Variants in LAMA5 observed in about 807,000 individuals in gnomAD.
The protein encoded by LAMA5 is laminin subunit alpha 5.
A neutral mutation model predicts 433.4 loss-of-function variants in LAMA5; 260 were observed. The ratio of observed to expected loss-of-function variants is 0.60; its 90% CI spans 0.54 to 0.66. The LOEUF is 0.66. LAMA5 is among the 30% of genes least tolerant of loss of function. The pLI is 0.00. For missense variants in LAMA5, 5,378 were observed against 5,258.5 expected, an observed-to-expected ratio of 1.02 and a Z score of -0.70; for synonymous variants, 2,620 against 2,226.6, an observed-to-expected ratio of 1.18 and a Z score of -4.97.
chr20:62,352,200 C>G, intron 4 of LAMA5, 42 bp downstream of exon 4: 4 of 1,567,696 alleles, frequency 2.6e-6, no homozygotes, highest in Non-Finnish European at 3.5e-6. Context: ...CCCACCTCTC[C>G]GTTCTCCAGC....
rs781064138 is a variant in LAMA5, at chr20:62,323,597, C to T, written c.5923G>A (p.Gly1975Ser). The T allele has an allele frequency of 1.9e-5, 31 of 1,610,750 alleles. No individual in the cohort carries two copies. The East Asian group carries it at 3.6e-4, about 19-fold the overall frequency. Residue 1975 changes from glycine (G) to serine (S), a missense_variant, in exon 45 of 80, where the codon GGT becomes AGT. Transcript: ENST00000252999. Reference protein sequence around the residue: ...SCQPCDCSGNGDPNLLFSDCD... With the variant: ...SCQPCDCSGNSDPNLLFSDCD... ...TCGCTGAAGAGCAAGTTGGGGTCAC[C>T]GTTGCCGCTGCAGTCGCATGGCTGG...
chr20:62,315,817 G>A (rs1601291949), intron 58 of LAMA5, 131 bp downstream of exon 58: 2 of 691,448 alleles, frequency 2.9e-6, no homozygotes, highest in Admixed American at 2.5e-5. Flanking sequence ...TTCTGTGTCT[G>A]GCCCCAGCTG....
Position 62,324,486 on chromosome 20 carries a change from G to A in LAMA5, c.5598C>T (p.Cys1866=). The stretch of plus-strand genomic sequence containing the variant: ...GGAGGCAGCGGTCTGAGTGTCCATG[G>A]CACTGACAAGGGACACATCGGCCCA... ...LFLGRCVPCQ[C]HGHSDRCLPG... The change falls in exon 42 of 80, where the codon TGC becomes TGT. Residue 1866 remains cysteine (C), a synonymous_variant. Coordinates refer to ENST00000252999, the MANE Select transcript of LAMA5 (RefSeq NM_005560.6). This position sits in a 1 kb window ranked among gnomAD's most constrained non-coding sequence, Gnocchi z 4.4. 6.2e-7 allele frequency: 1 copy of A among 1,612,372 alleles called. No individual in the cohort carries two copies.
chr20:62,345,830 C>T lies in LAMA5; in HGVS notation c.1465G>A (p.Gly489Ser), dbSNP rs536055027. ...NDTREQVLPA[G>S]QIVNCDCSAA... is the part of the protein sequence containing the mutation. ...CAAGGACACTTACTCACAATCTGGC[C>T]GGCTGGCAGCACCTGCTCCCTGGTG... The change falls in exon 11 of 80, where the codon GGC becomes AGC. Residue 489 changes from glycine to serine, a missense_variant. Physicochemically the swap from Gly to Ser is moderately conservative, Grantham distance 56. Coordinates refer to ENST00000252999, the MANE Select transcript of LAMA5 (RefSeq NM_005560.6). The T allele has an allele frequency of 4.4e-5, 68 of 1,551,544 alleles. No homozygotes were observed. The highest frequency in any genetic ancestry group is 9.6e-5 in the African/African-American group (7 of 73,224).
At position 62,333,497 on chromosome 20, in the gene LAMA5, G is replaced by GGTGCTGAGA; in HGVS notation, c.3022-25_3022-17dup. On this transcript the variant is annotated splice_polypyrimidine_tract_variant and intron_variant, in intron 24 of 79. Transcript: ENST00000252999. ...CCACGTAGTCCTGCAGGGTGGAGGT[G>GGTGCTGAGA]GTGCTGAGAGTGGTGGGCCCCACCC... 6.2e-7 allele frequency: 1 copy of GGTGCTGAGA among 1,606,236 alleles called. No individual in the cohort carries two copies. The highest frequency in any genetic ancestry group is 8.5e-7 in the Non-Finnish European group (1 of 1,177,040).
At chr20:62,343,942 C>T (rs1477305555) in intron 11 of LAMA5, among the ~76,000 whole-genome samples, 4 of 151,430 alleles carry the variant, frequency 2.6e-5, no homozygotes, top group East Asian at 2.0e-4. Context: ...GTTGGGAGTT[C>T]GAGACCAGCC....
At chr20:62,358,587 T>G (rs1229182987) in intron 2 of LAMA5, among the ~76,000 whole-genome samples, 2 of 152,140 alleles carry the variant, frequency 1.3e-5, no homozygotes, top group African/African-American at 2.4e-5. Flanking sequence ...TCCTGAAGGG[T>G]GAGGCAGCCT....
At chr20:62,310,378 G>T (rs1986104165) in intron 76 of LAMA5, 41 bp downstream of exon 76, 1 of 1,572,250 alleles carries the variant, frequency 6.4e-7, no homozygotes, top group Non-Finnish European at 8.6e-7. Context: ...GGAGCCCCCT[G>T]CCCTGCCCTG....
rs749361224 is a variant in LAMA5, at chr20:62,324,527, C to T, written c.5557G>A (p.Val1853Ile). The change falls in exon 42 of 80, where the codon GTC (valine) becomes ATC (isoleucine). Residue 1853 changes from valine (V) to isoleucine (I), a missense_variant. Transcript: ENST00000252999. This position sits in a 1 kb window ranked among gnomAD's most constrained non-coding sequence, Gnocchi z 4.4. The part of the protein sequence containing the change: ...QECAPGFYRD[V>I]KGLFLGRCVP... The stretch of plus-strand genomic sequence containing the variant: ...CATCGGCCCAGGAAGAGACCTTTGA[C>T]GTCCCGATAGAAGCCGGGGGCACAT... 30 of 1,612,254 alleles carry T rather than the reference C, an allele frequency of 1.9e-5. No homozygotes were observed. The highest frequency in any genetic ancestry group is 2.7e-5 in the African/African-American group (2 of 75,018).
rs1234890751 is a variant in LAMA5 at position 62,311,820 on chromosome 20, C to T, written c.9636-36G>A. On this transcript the variant is annotated intron_variant, in intron 70 of 79. Transcript: ENST00000252999. ...GGAGGCCGGAGGCTCGGTTTTTCCC[C>T]ACCCTGCCCACCCCCACCTCAGAGG... is the stretch of plus-strand genomic sequence containing the variant. 1.0e-5 allele frequency: 14 copies of T among 1,350,422 alleles called. No homozygotes were observed. The African/African-American group carries it at 1.3e-4, about 13-fold the overall frequency. The allele number at this position is 1,350,422 out of a possible 1,614,324, so 83.7% of individuals were successfully genotyped here.
rs200932249 is a variant in LAMA5 at position 62,362,447 on chromosome 20, G to A, written c.403C>T (p.Arg135Cys). The A allele has an allele frequency of 2.2e-4, 348 of 1,590,910 alleles. No individual in the cohort carries two copies. The highest frequency in any genetic ancestry group is 2.7e-4 in the Non-Finnish European group (311 of 1,165,858). The change falls in exon 2 of 80, where the codon CGC becomes TGC. Residue 135 changes from arginine to cysteine, a missense_variant. By Grantham distance (180) the Arg-to-Cys change is radical. Coordinates refer to ENST00000252999, the MANE Select transcript of LAMA5 (RefSeq NM_005560.6). The part of the protein sequence containing the change: ...ERWWQSPPLS[R>C]GLEYNEVNVT... ...TTGACCTCGTTGTACTCCAGGCCGC[G>A]GGACAGCGGTGGACTCTGCCACCAG... is the stretch of plus-strand genomic sequence containing the variant.
Position 62,328,964 on chromosome 20 carries a change from C to G in LAMA5, c.4327G>C (p.Val1443Leu). Reference sequence around the variant, plus strand: ...TCACACGTGGGGCCTGTAGCACCTACTTCGTGGCAGCCACATGGACGGGCT... The same window carrying G: ...TCACACGTGGGGCCTGTAGCACCTAGTTCGTGGCAGCCACATGGACGGGCT... ...NGARPCGCHEVGATGPTCEPF... is the reference protein window; with the variant it reads ...NGARPCGCHELGATGPTCEPF... Residue 1443 changes from valine (V) to leucine (L), a missense_variant, in exon 34 of 80, where the codon GTA becomes CTA. Transcript: ENST00000252999. The G allele has an allele frequency of 6.2e-7, 1 of 1,612,434 alleles. No individual in the cohort carries two copies. Among genetic ancestry groups the G allele is most frequent in the Non-Finnish European group, 8.5e-7 (1 of 1,179,710 alleles).
intron 2 of LAMA5, among the ~76,000 whole-genome samples, chr20:62,353,650 T>C (rs914624125): frequency 6.6e-6 from 1 of 152,106 alleles, no homozygotes; most frequent in African/African-American, 2.4e-5. Flanking sequence ...CACACCCCAG[T>C]GTCCCCACAG....
At position 62,332,358 on chromosome 20, in the gene LAMA5, T is replaced by G; in HGVS notation, c.3552+14A>C. 1 of 1,573,338 alleles carries G rather than the reference T, an allele frequency of 6.4e-7. No individual in the cohort carries two copies. The highest frequency in any genetic ancestry group is 8.7e-7 in the Non-Finnish European group (1 of 1,144,024). On this transcript the variant is annotated intron_variant, in intron 28 of 79. Transcript: ENST00000252999. ...AAGCTGACCCCTTGGGGTGGGGACC[T>G]GAGGGGTCCTTACCAGGAAGAAGCG...
intron 2 of LAMA5, 92 bp from the exon 3 acceptor site, chr20:62,353,343 C>T: frequency 1.1e-6 from 1 of 909,080 alleles, no homozygotes; most frequent in Non-Finnish European, 1.7e-6. Context: ...CAGGTGAGGC[C>T]ACAGCAGGGG....
intron 11 of LAMA5, among the ~76,000 whole-genome samples, chr20:62,340,309 T>TTTG (rs1046327638): frequency 1.6e-4 from 13 of 82,310 alleles, no homozygotes; most frequent in Admixed American, 3.2e-4. Context: ...TCCTTTGTTT[T>TTTG]TTTTTTTTTT....
rs1042733689 is a variant in LAMA5 at position 62,337,524 on chromosome 20, C to T, written c.2164+66G>A. The T allele has an allele frequency of 5.8e-6, 9 of 1,542,176 alleles. No homozygotes were observed. In the Admixed American group the frequency reaches 5.9e-5, roughly 10 times the overall value. ...AACAGCCTCACAGGAAGGCAGGCAG[C>T]GTGTGAACAGCACAGACCCACACAC... On this transcript the variant is annotated intron_variant, in intron 16 of 79. Coordinates refer to ENST00000252999, the MANE Select transcript of LAMA5 (RefSeq NM_005560.6).
chr20:62,313,052 C>A (rs1446806716), intron 65 of LAMA5, 36 bp downstream of exon 65: 2 of 1,602,754 alleles, frequency 1.2e-6, no homozygotes, highest in Non-Finnish European at 1.7e-6. Context: ...AGGGTCAGTG[C>A]AAGTGGGGAT....
In LAMA5 at chr20:62,314,380, G is replaced by A; in HGVS notation, c.8428C>T (p.Leu2810=). The A allele has an allele frequency of 6.2e-7, 1 of 1,613,518 alleles. No individual in the cohort carries two copies. The highest frequency in any genetic ancestry group is 8.5e-7 in the Non-Finnish European group (1 of 1,179,964). Residue 2810 remains leucine (L), a synonymous_variant, in exon 62 of 80, where the codon CTG becomes TTG. Coordinates refer to ENST00000252999, the MANE Select transcript of LAMA5 (RefSeq NM_005560.6). ...AGGACTGCAGGGCCCGCCTCACCCA[G>A]CTGATACACCCAGTGCACCTTCTTG... ...RDKKVHWVYQ[L]GEAGPAVLSI...
Sources: allele counts gnomAD v4.1 joint callset (sites outside exome capture counted in the v4.1 genomes callset), GRCh38; gene constraint gnomAD v4.1.1; non-coding constraint Gnocchi (gnomAD v3.1); transcripts MANE v1.5; gene names NCBI Gene and HGNC (gene_info 2026-07-23, HGNC 2026-07-21).